Variants in CYTH3 observed in about 807,000 individuals in gnomAD.
CYTH3 encodes cytohesin-3.
In CYTH3, 23 loss-of-function variants were observed where a neutral mutation model predicts 55.1. That is an observed-to-expected ratio of 0.42 (90% CI 0.30 to 0.59). The LOEUF (loss-of-function observed/expected upper bound fraction) is 0.59, where lower values mean the gene tolerates loss of function less well. Among genes scored for constraint, CYTH3 ranks in the 20% least tolerant of loss-of-function variants. CYTH3 has a pLI of 0.20. For missense variants in CYTH3, 413 were observed against 524.8 expected, an observed-to-expected ratio of 0.79 and a Z score of 2.08; for synonymous variants, 249 against 194.9, an observed-to-expected ratio of 1.28 and a Z score of -2.31.
intron 9 of CYTH3, among the ~76,000 whole-genome samples, chr7:6,166,487 C>G (rs1050126577): frequency 1.9e-4 from 29 of 152,222 alleles, no homozygotes; most frequent in Non-Finnish European, 3.8e-4. Flanking sequence ...CTGCCCCATG[C>G]CTCTCCAGCG....
intron 1 of CYTH3, among the ~76,000 whole-genome samples, chr7:6,246,162 C>G (rs1028352095): frequency 2.4e-4 from 36 of 152,066 alleles, no homozygotes; most frequent in African/African-American, 8.4e-4. Flanking sequence ...CTCACTGCGG[C>G]CTCAAACTCT....
chr7:6,253,674 G>A (rs888968496), intron 1 of CYTH3, among the ~76,000 whole-genome samples: 2 of 152,118 alleles, frequency 1.3e-5, no homozygotes, highest in African/African-American at 4.8e-5. Context: ...AAATTAGCCG[G>A]GCGTGGTAGT....
intron 1 of CYTH3, among the ~76,000 whole-genome samples, chr7:6,196,066 C>G (rs1240468181): frequency 6.6e-6 from 1 of 152,140 alleles, no homozygotes; most frequent in Non-Finnish European, 1.5e-5. Flanking sequence ...TCTAGGCTTC[C>G]CCCAGCAACT....
rs933850484 is a variant in CYTH3, at chr7:6,272,601, G to A, written c.-94C>T. On this transcript the variant is annotated 5_prime_UTR_variant, in exon 1 of 13. Coordinates refer to ENST00000350796, the MANE Select transcript of CYTH3 (RefSeq NM_004227.4). ...CCGGAGGGAGCGCGCAGGCGACCGG[G>A]CGGCTCCTCAGCGCGCGGCCCGGGT... 5.4e-5 allele frequency: 54 copies of A among 1,008,162 alleles called. No individual in the cohort carries two copies. The South Asian group carries it at 2.0e-3, about 38-fold the overall frequency. 62.5% of individuals were successfully genotyped at this position (1,008,162 alleles called of 1,614,324 possible).
Position 6,187,651 on chromosome 7 carries a change from T to G in CYTH3, c.182+6A>C, listed in dbSNP as rs763144292. On this transcript the variant is annotated splice_donor_region_variant and intron_variant, in intron 3 of 12. Coordinates refer to ENST00000350796, the MANE Select transcript of CYTH3 (RefSeq NM_004227.4). The stretch of plus-strand genomic sequence containing the variant: ...ATAGCTTAAAGGTGTAGCCACAAAT[T>G]GTTACCTCTCCTCTACGGAAGTTAG... The G allele has an allele frequency of 2.9e-5, 46 of 1,611,226 alleles. No individual in the cohort carries two copies. The highest frequency in any genetic ancestry group is 3.8e-5 in the Non-Finnish European group (45 of 1,177,326).
At chr7:6,253,798 A>G (rs1015693071) in intron 1 of CYTH3, among the ~76,000 whole-genome samples, 3 of 151,896 alleles carry the variant, frequency 2.0e-5, no homozygotes, top group Non-Finnish European at 4.4e-5. Flanking sequence ...CCTGGGTGAC[A>G]GAGTGAGATG....
chr7:6,249,200 G>C (rs1779899674), intron 1 of CYTH3, among the ~76,000 whole-genome samples: 1 of 152,146 alleles, frequency 6.6e-6, no homozygotes, highest in Non-Finnish European at 1.5e-5. Flanking sequence ...CTGTGTTTGT[G>C]AGCACAGCTT....
At chr7:6,185,200 C>A (rs1313163573) in intron 4 of CYTH3, among the ~76,000 whole-genome samples, 1 of 152,192 alleles carries the variant, frequency 6.6e-6, no homozygotes, top group Non-Finnish European at 1.5e-5. Context: ...AAGCAGAGAA[C>A]CAGAAAGCAA....
chr7:6,263,777 A>T (rs1381699645), intron 1 of CYTH3, among the ~76,000 whole-genome samples: 1 of 151,700 alleles, frequency 6.6e-6, no homozygotes, highest in Non-Finnish European at 1.5e-5. Flanking sequence ...CAGCCTGGGA[A>T]ACAGAGTGAG....
chr7:6,241,054 G>A (rs1440702892), intron 1 of CYTH3, among the ~76,000 whole-genome samples: 4 of 152,018 alleles, frequency 2.6e-5, no homozygotes, highest in Non-Finnish European at 5.9e-5. Flanking sequence ...CCTGGGAGGC[G>A]GAGGTTGCAG....
intron 1 of CYTH3, among the ~76,000 whole-genome samples, chr7:6,254,752 G>C (rs980979539): frequency 6.6e-6 from 1 of 152,150 alleles, no homozygotes; most frequent in Non-Finnish European, 1.5e-5. Context: ...ACCTGCCCAT[G>C]TTTGTATCTT....
intron 1 of CYTH3, among the ~76,000 whole-genome samples, chr7:6,203,857 T>G (rs1371901326): frequency 1.3e-5 from 2 of 152,100 alleles, no homozygotes; most frequent in Non-Finnish European, 2.9e-5. Context: ...TAGCTGGGAC[T>G]ACAGGCGCCT....
At chr7:6,235,054 C>G (rs1779482704) in intron 1 of CYTH3, among the ~76,000 whole-genome samples, 1 of 152,156 alleles carries the variant, frequency 6.6e-6, no homozygotes. Flanking sequence ...ACCCACCACT[C>G]ACTCCCCAAG....
chr7:6,189,902 G>C (rs1014819011), intron 2 of CYTH3, among the ~76,000 whole-genome samples: 3 of 152,036 alleles, frequency 2.0e-5, no homozygotes, highest in Admixed American at 6.5e-5. Flanking sequence ...TGGGTGTGGT[G>C]GTGGGTGCCT....
intron 1 of CYTH3, among the ~76,000 whole-genome samples, chr7:6,191,458 G>A (rs930659848): frequency 6.6e-6 from 1 of 152,042 alleles, no homozygotes; most frequent in African/African-American, 2.4e-5. Flanking sequence ...AAAGCAGATT[G>A]TATGTTATCA....
At chr7:6,199,313 G>A (rs1784007404) in intron 1 of CYTH3, among the ~76,000 whole-genome samples, 2 of 152,162 alleles carry the variant, frequency 1.3e-5, no homozygotes, top group Admixed American at 1.3e-4. Context: ...CAGCCACAAT[G>A]GAGTAACAGG....
chr7:6,190,852 G>A (rs903597947), intron 1 of CYTH3, among the ~76,000 whole-genome samples: 4 of 152,016 alleles, frequency 2.6e-5, no homozygotes, highest in Admixed American at 1.3e-4. Flanking sequence ...TGAGGTGGGT[G>A]GATCACTTGA....
intron 1 of CYTH3, among the ~76,000 whole-genome samples, chr7:6,255,845 G>A (rs1780089633): frequency 1.5e-5 from 2 of 135,558 alleles, no homozygotes; most frequent in African/African-American, 2.8e-5. Context: ...CTCACTACAA[G>A]CTCCGCCTTC....
At chr7:6,181,988 C>T (rs1449001218) in intron 4 of CYTH3, among the ~76,000 whole-genome samples, 2 of 152,106 alleles carry the variant, frequency 1.3e-5, no homozygotes, top group African/African-American at 2.4e-5. Flanking sequence ...TTATAATATA[C>T]ACAAATATCC....
Sources: gnomAD v4.1 joint callset for allele counts (sites outside exome capture counted in the v4.1 genomes callset) on GRCh38, gnomAD v4.1.1 for gene constraint, MANE v1.5 for transcripts, NCBI Gene and HGNC (gene_info 2026-07-23, HGNC 2026-07-21) for gene names.